Variants in MSRB3 observed in about 807,000 individuals in gnomAD.
MSRB3 encodes methionine-R-sulfoxide reductase B3.
In MSRB3, 13 loss-of-function variants were observed where a neutral mutation model predicts 21.0. The ratio of observed to expected loss-of-function variants is 0.62; its 90% CI spans 0.40 to 0.98. The LOEUF is 0.98. Among genes scored for constraint, MSRB3 ranks in the 50% least tolerant of loss-of-function variants. The pLI is 0.00. For synonymous variants in MSRB3, 87 were observed against 88.6 expected (o/e 0.98, Z 0.10); for missense variants, 199 against 230.3 (o/e 0.86, Z 0.88).
chr12:65,351,090 G>A (rs991186940), intron 4 of MSRB3, among the ~76,000 whole-genome samples: 49 of 151,950 alleles, frequency 3.2e-4, no homozygotes, highest in African/African-American at 1.1e-3. Context: ...AATGTAAAAG[G>A]ACAGAAATTA....
intron 2 of MSRB3, among the ~76,000 whole-genome samples, chr12:65,312,878 C>A (rs1002737232): frequency 3.9e-5 from 6 of 151,944 alleles, no homozygotes; most frequent in Non-Finnish European, 7.4e-5. Flanking sequence ...TAAGAGAGTA[C>A]AAATTTATTT....
intron 5 of MSRB3, among the ~76,000 whole-genome samples, chr12:65,378,313 G>A (rs893589702): frequency 6.6e-6 from 1 of 152,152 alleles, no homozygotes; most frequent in Non-Finnish European, 1.5e-5. Context: ...AAGCCTATCA[G>A]CTACATATTA....
At chr12:65,380,267 C>T (rs1878866431) in intron 5 of MSRB3, among the ~76,000 whole-genome samples, 1 of 152,166 alleles carries the variant, frequency 6.6e-6, no homozygotes, top group African/African-American at 2.4e-5. Flanking sequence ...AGTAAACCAA[C>T]TTGCCAGAAC....
chr12:65,381,494 C>T (rs1053033119), intron 5 of MSRB3, among the ~76,000 whole-genome samples: 3 of 152,084 alleles, frequency 2.0e-5, no homozygotes, highest in Non-Finnish European at 2.9e-5. Context: ...TAACATCTTG[C>T]TCCAGTATGA....
At chr12:65,342,344 T>A (rs1028249083) in intron 4 of MSRB3, among the ~76,000 whole-genome samples, 8 of 151,840 alleles carry the variant, frequency 5.3e-5, no homozygotes, top group Non-Finnish European at 1.0e-4. Context: ...AAACAGATAC[T>A]TTTCAGAATA....
intron 4 of MSRB3, among the ~76,000 whole-genome samples, chr12:65,344,484 C>T (rs1023607079): frequency 6.6e-6 from 1 of 151,788 alleles, no homozygotes; most frequent in African/African-American, 2.4e-5. Context: ...AGCCTACATC[C>T]AGAGCACTGT....
In MSRB3 at chr12:65,382,730, TA is replaced by T. The variant is rs1565865680; in HGVS notation, c.292+13705del. Among the ~76,000 whole-genome samples, 3 of 151,942 alleles carry T rather than the reference TA, an allele frequency of 2.0e-5. No homozygotes were observed. In the South Asian group the frequency reaches 6.2e-4, roughly 31 times the overall value. On this transcript the variant is annotated intron_variant, in intron 5 of 6. Coordinates refer to ENST00000308259, the MANE Select transcript of MSRB3 (RefSeq NM_001031679.3). ...TTTGTTGTTTTAAGTAATGTACTAA[TA>T]TATTTATTTTTTCTAGCTATATGGT...
At position 65,418,899 on chromosome 12, in the gene MSRB3, C is replaced by G. The variant is rs955703827; in HGVS notation, c.293-34829C>G. The G allele has an allele frequency of 4.1e-6, 3 of 736,078 alleles. No homozygotes were observed. In the African/African-American group the frequency reaches 5.1e-5, roughly 13 times the overall value. 45.6% of individuals were successfully genotyped at this position (736,078 alleles called of 1,614,324 possible). A position where few individuals can be genotyped will look rare whatever the true frequency, so the allele number is the denominator to read the frequency against. On this transcript the variant is annotated intron_variant, in intron 5 of 6. Coordinates refer to ENST00000308259, the MANE Select transcript of MSRB3 (RefSeq NM_001031679.3). ...GATACATGGCAATCTCAGCCTCCAG[C>G]TTGACCTTAATGTTCAGCAGGGCCT...
intron 4 of MSRB3, among the ~76,000 whole-genome samples, chr12:65,342,635 C>T (rs1876218686): frequency 6.6e-6 from 1 of 151,818 alleles, no homozygotes; most frequent in Admixed American, 6.6e-5. Context: ...GGAACTTATT[C>T]CAAAAATCAT....
chr12:65,326,053 G>T (rs1875006754), intron 2 of MSRB3, among the ~76,000 whole-genome samples: 1 of 152,094 alleles, frequency 6.6e-6, no homozygotes, highest in African/African-American at 2.4e-5. Context: ...AGAAAATGTA[G>T]GTTTCTAAAA....
intron 4 of MSRB3, among the ~76,000 whole-genome samples, chr12:65,358,550 T>G (rs1234377559): frequency 2.6e-5 from 4 of 152,112 alleles, no homozygotes; most frequent in Middle Eastern, 3.4e-3. Flanking sequence ...GGGGTGTATT[T>G]TTTTTGTTGT....
In MSRB3 at chr12:65,317,367, C is replaced by A. The variant is rs1290886112; in HGVS notation, c.76+8712C>A. Among the ~76,000 whole-genome samples, 4 of 152,230 alleles carry A rather than the reference C, an allele frequency of 2.6e-5. No homozygotes were observed. In the East Asian group the frequency reaches 7.7e-4, roughly 29 times the overall value. On this transcript the variant is annotated intron_variant, in intron 2 of 6. Transcript: ENST00000308259. ...GTGACAAGAATGTATTATAGTTTGG[C>A]CACTTTCTCCCCGCCTTTTTAGTGG...
chr12:65,333,278 A>G (rs980182271), intron 4 of MSRB3, among the ~76,000 whole-genome samples: 3 of 152,248 alleles, frequency 2.0e-5, no homozygotes, highest in Non-Finnish European at 4.4e-5. Flanking sequence ...ATATGACAAA[A>G]TAATGCTAGT....
intron 4 of MSRB3, among the ~76,000 whole-genome samples, chr12:65,335,721 T>G (rs1875723312): frequency 6.6e-6 from 1 of 152,194 alleles, no homozygotes; most frequent in Non-Finnish European, 1.5e-5. Context: ...AAACTCTCCT[T>G]ACGATATTTA....
Position 65,463,227 on chromosome 12 carries a change from G to T in MSRB3, c.463G>T (p.Ala155Ser). 1 of 1,614,192 alleles carries T rather than the reference G, an allele frequency of 6.2e-7. No homozygotes were observed. The highest frequency in any genetic ancestry group is 1.1e-5 in the South Asian group (1 of 91,082). Reference protein sequence around the residue: ...PTGKRYCINSAALSFTPADSS... With the variant: ...PTGKRYCINSSALSFTPADSS... ...TGGGAAAAGATACTGCATAAATTCG[G>T]CTGCCTTGTCTTTTACACCTGCGGA... The change falls in exon 7 of 7, where the codon GCT (alanine) becomes TCT (serine). Residue 155 changes from alanine (A) to serine (S), a missense_variant. Ala to Ser is a moderately conservative substitution (Grantham distance 99). Coordinates refer to ENST00000308259, the MANE Select transcript of MSRB3 (RefSeq NM_001031679.3).
chr12:65,418,302 G>A (rs2136637925), intron 5 of MSRB3, among the ~76,000 whole-genome samples: 1 of 152,130 alleles, frequency 6.6e-6, no homozygotes, highest in East Asian at 1.9e-4. Context: ...ACAGGGTTTT[G>A]GGAAGTTATC....
intron 4 of MSRB3, among the ~76,000 whole-genome samples, chr12:65,337,930 A>G (rs1434444754): frequency 2.0e-5 from 3 of 152,206 alleles, no homozygotes; most frequent in Admixed American, 2.0e-4. Flanking sequence ...CTCCCCAACA[A>G]AACTATGAAC....
rs1489061043 is a variant in MSRB3 at position 65,338,530 on chromosome 12, AC to A, written c.263+9929del. ...AGTGATGACGACGTCTATGGCTAGG[AC>A]CTTTAACAACAAAACAGTAAATAGA... On this transcript the variant is annotated intron_variant, in intron 4 of 6. Transcript: ENST00000308259. Among the ~76,000 whole-genome samples the A allele has an allele frequency of 3.9e-5, 6 of 152,328 alleles. No individual in the cohort carries two copies. In the East Asian group the frequency reaches 1.2e-3, roughly 29 times the overall value.
At chr12:65,418,602 G>A (rs955651771) in intron 5 of MSRB3, 43 of 562,728 alleles carry the variant, frequency 7.6e-5, no homozygotes, top group African/African-American at 1.9e-4. Context: ...TTTTGTTCTC[G>A]TAGTTTTACA....
Sources: allele counts gnomAD v4.1 joint callset (sites outside exome capture counted in the v4.1 genomes callset), GRCh38; gene constraint gnomAD v4.1.1; transcripts MANE v1.5; gene names NCBI Gene and HGNC (gene_info 2026-07-23, HGNC 2026-07-21).